The following ANKLE2 variants were observed in gnomAD, a reference collection of about 807,000 sequenced individuals.
ANKLE2 encodes ankyrin repeat and LEM domain-containing protein 2.
A neutral mutation model predicts 84.2 loss-of-function variants in ANKLE2; 55 were observed. That is an observed-to-expected ratio of 0.65 (90% CI 0.53 to 0.82). The LOEUF is 0.82. Among genes scored for constraint, ANKLE2 ranks in the 40% least tolerant of loss-of-function variants. The probability of loss-of-function intolerance (pLI) is 0.00; values close to 1 mark genes in which losing one functional copy is unlikely to be tolerated. For synonymous variants in ANKLE2, 551 were observed against 486.1 expected (o/e 1.13, Z -1.76); for missense variants, 1,238 against 1,201.9 (o/e 1.03, Z -0.44).
At position 132,741,224 on chromosome 12, in the gene ANKLE2, G is replaced by C. The variant is rs571283635; in HGVS notation, c.1420+195C>G. Among the ~76,000 whole-genome samples, 5 of 152,340 alleles carry C rather than the reference G, an allele frequency of 3.3e-5. 1 individual carries two copies. Among genetic ancestry groups the C allele is most frequent in the African/African-American group, 1.2e-4 (5 of 41,574 alleles). On this transcript the variant is annotated intron_variant, in intron 7 of 12. Coordinates refer to ENST00000357997, the MANE Select transcript of ANKLE2 (RefSeq NM_015114.3). Reference sequence around the variant, plus strand: ...GGAACAGATACAAGACTTCAGAGAAGGGATAACAGAAAAAAGGTGGCAAAT... The same window carrying C: ...GGAACAGATACAAGACTTCAGAGAACGGATAACAGAAAAAAGGTGGCAAAT...
At chr12:132,733,592 C>T (rs1460032140) in intron 10 of ANKLE2, among the ~76,000 whole-genome samples, 1 of 150,782 alleles carries the variant, frequency 6.6e-6, no homozygotes, top group Non-Finnish European at 1.5e-5. Flanking sequence ...GTGTGAAGCA[C>T]TCTGCATCCT....
intron 9 of ANKLE2, chr12:132,735,113 G>C (rs1394750434): frequency 4.5e-6 from 2 of 442,860 alleles, no homozygotes; most frequent in Non-Finnish European, 8.1e-6. Flanking sequence ...GCATTATATG[G>C]TACCTTCTAT....
rs1240668174 is a variant in ANKLE2 at position 132,743,862 on chromosome 12, C to T, written c.1231-586G>A. On this transcript the variant is annotated intron_variant, in intron 5 of 12. Coordinates refer to ENST00000357997, the MANE Select transcript of ANKLE2 (RefSeq NM_015114.3). The surrounding 1 kb of genome is among the most constrained non-coding windows in gnomAD (Gnocchi z 4.1). ...AACCATTCAGGGCCCAGTACAATGTCATGTAAAACATGCCCAGGAAGTGAA... is the reference window on the plus strand; with the variant it reads ...AACCATTCAGGGCCCAGTACAATGTTATGTAAAACATGCCCAGGAAGTGAA... Among the ~76,000 whole-genome samples the T allele has an allele frequency of 1.3e-5, 2 of 152,164 alleles. No homozygotes were observed. Among genetic ancestry groups the T allele is most frequent in the East Asian group, 3.9e-4 (2 of 5,194 alleles).
intron 1 of ANKLE2, chr12:132,761,284 C>CCAT: frequency 4.6e-6 from 1 of 217,358 alleles, no homozygotes; most frequent in Non-Finnish European, 9.0e-6. Flanking sequence ...CTCCTTTGGG[C>CCAT]CATCCCTCCC....
chr12:132,730,511 A>G (rs531542675), intron 10 of ANKLE2: 1 of 504,690 alleles, frequency 2.0e-6, no homozygotes, highest in Middle Eastern at 5.2e-4. Context: ...AAGGGCAAAC[A>G]GGACCCTCCA....
At chr12:132,750,034 A>G (rs1036057361) in intron 3 of ANKLE2, among the ~76,000 whole-genome samples, 10 of 151,952 alleles carry the variant, frequency 6.6e-5, no homozygotes, top group African/African-American at 1.9e-4. Flanking sequence ...CCTGGCCAAC[A>G]TGGTGGCTAA....
Position 132,747,853 on chromosome 12 carries a change from G to A in ANKLE2, c.1209C>T (p.Tyr403=), listed in dbSNP as rs749446617. The change falls in exon 5 of 13, where the codon TAC becomes TAT. Residue 403 remains tyrosine, a synonymous_variant. Coordinates refer to ENST00000357997, the MANE Select transcript of ANKLE2 (RefSeq NM_015114.3). ...GCACCATCTTGTCGGGGGTGTTGAG[G>A]TACAGGTCCACCACGTAACGGATAC... ...QKRIRYVVDL[Y]LNTPDKMGYD... 6 of 1,607,338 alleles carry A rather than the reference G, an allele frequency of 3.7e-6. No individual in the cohort carries two copies. The highest frequency in any genetic ancestry group is 5.1e-6 in the Non-Finnish European group (6 of 1,178,410).
At chr12:132,729,148 C>G (rs1016106380) in intron 11 of ANKLE2, among the ~76,000 whole-genome samples, 2 of 151,086 alleles carry the variant, frequency 1.3e-5, no homozygotes, top group Non-Finnish European at 2.9e-5. Flanking sequence ...GTCAGGAGTT[C>G]GACACCAGCC....
At chr12:132,728,254 G>A in intron 11 of ANKLE2, 91 bp from the exon 12 acceptor site, 1 of 1,507,624 alleles carries the variant, frequency 6.6e-7, no homozygotes, top group Admixed American at 1.9e-5. Context: ...TTTTGAGACG[G>A]AGTCTTGCTC....
At chr12:132,732,709 C>A (rs10870501) in intron 10 of ANKLE2, among the ~76,000 whole-genome samples, 1 of 29,316 alleles carries the variant, frequency 3.4e-5, no homozygotes, top group African/African-American at 9.4e-5. Flanking sequence ...TGATATGCAC[C>A]GTGTGAAGCT....
Position 132,734,411 on chromosome 12 carries a change from G to A in ANKLE2, c.1865C>T (p.Ser622Phe). ...AQQETGEREA[S>F]CRDKATTSGS... ...AGACGTGGTGGCTTTATCTCGGCAG[G>A]AGGCTTCCCGTTCTCCTGTTTCTTG... The change falls in exon 10 of 13, where the codon TCC (serine) becomes TTC (phenylalanine). Residue 622 changes from serine (S) to phenylalanine (F), a missense_variant. Physicochemically the swap from Ser to Phe is radical, Grantham distance 155. This residue lies in a region of ANKLE2 where 802 missense variants were observed against 774.5 expected (regional missense o/e 1.04). Transcript: ENST00000357997. The A allele has an allele frequency of 3.1e-6, 5 of 1,614,074 alleles. No homozygotes were observed. Among genetic ancestry groups the A allele is most frequent in the Non-Finnish European group, 4.2e-6 (5 of 1,179,994 alleles).
In ANKLE2 at chr12:132,743,775, T is replaced by C. The variant is rs75388639; in HGVS notation, c.1231-499A>G. Among the ~76,000 whole-genome samples the C allele has an allele frequency of 0.034, 5,187 of 152,256 alleles. 131 individuals are homozygous for C. The highest frequency in any genetic ancestry group is 0.084 in the East Asian group (435 of 5,182). On this transcript the variant is annotated intron_variant, in intron 5 of 12. Transcript: ENST00000357997. This position sits in a 1 kb window ranked among gnomAD's most constrained non-coding sequence, Gnocchi z 4.1. ...GTGCCAAGGCTTGAGCTTAGCATAC[T>C]GACCTGGGTGCCCAGACCCTGGAGG...
chr12:132,756,173 C>G (rs1423772223), intron 1 of ANKLE2: 1 of 151,956 alleles, frequency 6.6e-6, no homozygotes, highest in East Asian at 2.0e-4. Flanking sequence ...AGTTCGAGAC[C>G]AGCCTGGCCA....
At chr12:132,754,585 T>C in intron 2 of ANKLE2, 90 bp downstream of exon 2, 1 of 1,340,728 alleles carries the variant, frequency 7.5e-7, no homozygotes, top group Non-Finnish European at 1.0e-6. Flanking sequence ...TTTTTCCTTC[T>C]TAATCTGTAG....
At chr12:132,749,607 A>G (rs1050938982) in intron 3 of ANKLE2, among the ~76,000 whole-genome samples, 2 of 152,252 alleles carry the variant, frequency 1.3e-5, no homozygotes, top group Non-Finnish European at 2.9e-5. Flanking sequence ...AGGAGAGGGC[A>G]ACATTCCTCT....
chr12:132,759,758 C>T (rs1412350539), intron 1 of ANKLE2: 1 of 152,104 alleles, frequency 6.6e-6, no homozygotes, highest in Non-Finnish European at 1.5e-5. Flanking sequence ...TGCACTTACC[C>T]AACTCCCAAA....
rs2043713755 is a variant in ANKLE2, at chr12:132,727,104, ATCT to A, written c.*135_*137del. ...TCTAAGTGTTATATAGAACATTTAAATCTTCTAAAATTCTCACACCCTCAAAGT... is the reference window on the plus strand; with the variant it reads ...TCTAAGTGTTATATAGAACATTTAAATCTAAAATTCTCACACCCTCAAAGT... On this transcript the variant is annotated 3_prime_UTR_variant, in exon 13 of 13. Coordinates refer to ENST00000357997, the MANE Select transcript of ANKLE2 (RefSeq NM_015114.3). 3 of 946,498 alleles carry A rather than the reference ATCT, an allele frequency of 3.2e-6. No individual in the cohort carries two copies. The East Asian group carries it at 8.0e-5, about 25-fold the overall frequency. 58.6% of individuals were successfully genotyped at this position (946,498 alleles called of 1,614,324 possible).
chr12:132,761,705 C>A lies in ANKLE2; in HGVS notation c.94G>T (p.Val32Leu). The part of the protein sequence containing the change: ...SVLLIAVRWL[V>L]RRLGPRPGGL... ...CCCGGCCGCGGGCCCAGCCGCCGCA[C>A]CAGCCACCGCACAGCGATCAGCAGC... The change falls in exon 1 of 13, where the codon GTG becomes TTG. Residue 32 changes from valine to leucine, a missense_variant. Physicochemically the swap from Val to Leu is conservative, Grantham distance 32. This residue lies in a region of ANKLE2 where 422 missense variants were observed against 394.5 expected (regional missense o/e 1.07). Coordinates refer to ENST00000357997, the MANE Select transcript of ANKLE2 (RefSeq NM_015114.3). The A allele has an allele frequency of 7.4e-7, 1 of 1,349,502 alleles. No individual in the cohort carries two copies. 83.6% of individuals were successfully genotyped at this position (1,349,502 alleles called of 1,614,324 possible).
intron 6 of ANKLE2, among the ~76,000 whole-genome samples, chr12:132,742,732 A>T (rs377532430): frequency 0.053 from 36 of 678 alleles, no homozygotes; most frequent in Non-Finnish European, 0.069. Context: ...ACCACTGCCA[A>T]CACCACCATG....
Sources: allele counts gnomAD v4.1 joint callset (sites outside exome capture counted in the v4.1 genomes callset), GRCh38; gene constraint gnomAD v4.1.1; regional missense constraint gnomAD v4.1.1; non-coding constraint Gnocchi (gnomAD v3.1); transcripts MANE v1.5; gene names NCBI Gene and HGNC (gene_info 2026-07-23, HGNC 2026-07-21).